ARHGEF10: variants seen among roughly 807,000 people sequenced by gnomAD.
ARHGEF10 encodes the protein Rho guanine nucleotide exchange factor (GEF) 10.
A neutral mutation model predicts 147.4 loss-of-function variants in ARHGEF10; 140 were observed. That is an observed-to-expected ratio of 0.95 (90% CI 0.83 to 1.09). The LOEUF (loss-of-function observed/expected upper bound fraction) is 1.09, where lower values mean the gene tolerates loss of function less well. Among genes scored for constraint, ARHGEF10 ranks in the 50% least tolerant of loss-of-function variants. The pLI, the probability that ARHGEF10 is intolerant of heterozygous loss-of-function variation, is 0.00. For missense variants in ARHGEF10, 2,222 were observed against 1,752.7 expected, an observed-to-expected ratio of 1.27 and a Z score of -4.78; for synonymous variants, 902 against 695.8, an observed-to-expected ratio of 1.30 and a Z score of -4.67.
chr8:1,833,290 A>T (rs1366989986), intron 1 of ARHGEF10, among the ~76,000 whole-genome samples: 2 of 141,862 alleles, frequency 1.4e-5, no homozygotes, highest in African/African-American at 5.5e-5. Context: ...GTAGAGACAG[A>T]AGCAGAGACA....
In ARHGEF10 at chr8:1,925,391, A is replaced by G. The variant is rs1812609899; in HGVS notation, c.2597A>G (p.Gln866Arg). Residue 866 changes from glutamine to arginine, a missense_variant, in exon 22 of 29, where the codon CAG becomes CGG. Gln to Arg is a conservative substitution (Grantham distance 43). Transcript: ENST00000349830. ...CACATGCCCGTGATGGTGGCCAAGC[A>G]GCAGGAGTTCAAGGTGAAGGGAGGC... Reference protein sequence around the residue: ...VGHMPVMVAKQQEFKIECAAY... With the variant: ...VGHMPVMVAKRQEFKIECAAY... 1 of 1,614,124 alleles carries G rather than the reference A, an allele frequency of 6.2e-7. No individual in the cohort carries two copies. The highest frequency in any genetic ancestry group is 8.5e-7 in the Non-Finnish European group (1 of 1,180,018).
chr8:1,840,073 G>GGA (rs1803897566), intron 1 of ARHGEF10, among the ~76,000 whole-genome samples: 1 of 124,844 alleles, frequency 8.0e-6, no homozygotes, highest in Non-Finnish European at 1.7e-5. Flanking sequence ...TGGTGTGGAA[G>GGA]CTGTCTGGTG....
At chr8:1,831,166 G>C (rs1585199428) in intron 1 of ARHGEF10, among the ~76,000 whole-genome samples, 1 of 151,880 alleles carries the variant, frequency 6.6e-6, no homozygotes, top group Admixed American at 6.6e-5. Flanking sequence ...CCATGTGACA[G>C]AGAGCTGTAG....
chr8:1,908,989 G>A (rs1811136701), intron 17 of ARHGEF10, among the ~76,000 whole-genome samples: 1 of 152,178 alleles, frequency 6.6e-6, no homozygotes, highest in South Asian at 2.1e-4. Context: ...GAGCACCTTT[G>A]CTCAGAGTCA....
chr8:1,923,982 C>A, intron 21 of ARHGEF10, 108 bp downstream of exon 21: 2 of 1,027,114 alleles, frequency 1.9e-6, no homozygotes, highest in Non-Finnish European at 3.0e-6. Context: ...TAGATCCATG[C>A]ATTGACCTGA....
intron 1 of ARHGEF10, among the ~76,000 whole-genome samples, chr8:1,833,251 C>T (rs1168586592): frequency 7.5e-6 from 1 of 133,084 alleles, no homozygotes; most frequent in African/African-American, 2.9e-5. Context: ...AAGACAGAGG[C>T]CGAGACAGAG....
At chr8:1,954,157 A>T (rs1451170099) in intron 28 of ARHGEF10, among the ~76,000 whole-genome samples, 1 of 151,994 alleles carries the variant, frequency 6.6e-6, no homozygotes, top group African/African-American at 2.4e-5. Context: ...CCAGTGGCAC[A>T]GTCTCGGCTC....
chr8:1,922,431 A>G (rs576279915), intron 18 of ARHGEF10, among the ~76,000 whole-genome samples: 1 of 152,348 alleles, frequency 6.6e-6, no homozygotes, highest in African/African-American at 2.4e-5. Flanking sequence ...GGGACAAAAC[A>G]TGAATCAAAC....
At chr8:1,913,934 C>T (rs1267142145) in intron 18 of ARHGEF10, among the ~76,000 whole-genome samples, 1 of 152,170 alleles carries the variant, frequency 6.6e-6, no homozygotes, top group Non-Finnish European at 1.5e-5. Context: ...ACCTCAGGGT[C>T]CCTGCTGAGC....
intron 7 of ARHGEF10, 98 bp downstream of exon 7, chr8:1,869,348 C>T (rs1459083791): frequency 8.7e-6 from 9 of 1,033,850 alleles, no homozygotes; most frequent in Non-Finnish European, 1.4e-5. Context: ...CAGACGTTTT[C>T]TGTATTCATG....
chr8:1,900,858 G>T (rs552400002), intron 15 of ARHGEF10, among the ~76,000 whole-genome samples: 2 of 152,004 alleles, frequency 1.3e-5, no homozygotes, highest in African/African-American at 4.8e-5. Flanking sequence ...TCCTTGCCTC[G>T]AGAGACCCTC....
In ARHGEF10 at chr8:1,933,809, G is replaced by A. The variant is rs769359398; in HGVS notation, c.3089G>A (p.Trp1030Ter). Residue 1030 changes from tryptophan (W) to a stop codon, truncating the protein, a stop_gained, in exon 26 of 29, where the codon TGG (tryptophan) becomes TAG (stop). Transcript: ENST00000349830. LOFTEE classifies it high-confidence loss of function. Reference protein sequence around the residue: ...ASYARAPDGSWDSEPQKVIKL... With the variant: ...ASYARAPDGS ...AATATTTTCTTTTAAGATGGATCCTGGGATTCAGAACCTCAAAAAGTGATC... is the reference window on the plus strand; with the variant it reads ...AATATTTTCTTTTAAGATGGATCCTAGGATTCAGAACCTCAAAAAGTGATC... The A allele has an allele frequency of 1.9e-6, 3 of 1,614,044 alleles. No homozygotes were observed. The highest frequency in any genetic ancestry group is 1.3e-5 in the African/African-American group (1 of 74,930).
intron 18 of ARHGEF10, among the ~76,000 whole-genome samples, chr8:1,916,768 C>G (rs185741835): frequency 6.6e-6 from 1 of 152,162 alleles, no homozygotes; most frequent in Non-Finnish European, 1.5e-5. Context: ...AAAAATTACC[C>G]TCTTTCTCCT....
chr8:1,823,943 C>G lies in ARHGEF10; in HGVS notation c.-218C>G, dbSNP rs1303070110. ...CGGGCGGGAGGGGCTGGGCGCATCC[C>G]TGTAGCCGGCGGGCGCGCGATCCGG... On this transcript the variant is annotated 5_prime_UTR_variant, in exon 1 of 29. Transcript: ENST00000349830. 1 of 148,078 alleles carries G rather than the reference C, an allele frequency of 6.8e-6. No homozygotes were observed. The highest frequency in any genetic ancestry group is 2.2e-4 in the South Asian group (1 of 4,634). 9.2% of individuals were successfully genotyped at this position (148,078 alleles called of 1,614,324 possible). A position where few individuals can be genotyped will look rare whatever the true frequency, so the allele number is the denominator to read the frequency against.
chr8:1,931,155 C>CCCT (rs1335640723), intron 25 of ARHGEF10, among the ~76,000 whole-genome samples: 5 of 152,224 alleles, frequency 3.3e-5, no homozygotes, highest in African/African-American at 1.2e-4. Context: ...AGGCGGAGGC[C>CCCT]CCTCCGCATG....
intron 7 of ARHGEF10, among the ~76,000 whole-genome samples, chr8:1,872,340 G>C (rs1807196094): frequency 1.3e-5 from 2 of 152,194 alleles, no homozygotes; most frequent in South Asian, 4.1e-4. Context: ...AGCCTTCAGG[G>C]AGCGGACAAA....
At chr8:1,946,349 C>A (rs901359479) in intron 27 of ARHGEF10, among the ~76,000 whole-genome samples, 1 of 152,204 alleles carries the variant, frequency 6.6e-6, no homozygotes, top group Non-Finnish European at 1.5e-5. Flanking sequence ...CCGAGCCCTT[C>A]GGCTGCTGTG....
chr8:1,922,486 T>C (rs1812369370), intron 18 of ARHGEF10, among the ~76,000 whole-genome samples: 2 of 151,966 alleles, frequency 1.3e-5, no homozygotes, highest in South Asian at 2.1e-4. Flanking sequence ...CCTCCAAAAA[T>C]GTCAGGGTCG....
intron 1 of ARHGEF10, among the ~76,000 whole-genome samples, chr8:1,836,833 G>A (rs996072056): frequency 3.3e-5 from 5 of 152,104 alleles, no homozygotes; most frequent in Admixed American, 6.5e-5. Flanking sequence ...GGTCTTTCCC[G>A]TGATATTCTC....
Sources: allele counts gnomAD v4.1 joint callset (sites outside exome capture counted in the v4.1 genomes callset), GRCh38; gene constraint gnomAD v4.1.1; transcripts MANE v1.5; gene names NCBI Gene and HGNC (gene_info 2026-07-23, HGNC 2026-07-21).